The following CHD6 variants were observed in gnomAD, a reference collection of about 807,000 sequenced individuals.
CHD6 encodes the protein chromodomain helicase DNA binding protein 6.
CHD6 carries 50 observed loss-of-function variants against 276.9 expected under a neutral mutation model. The observed-to-expected ratio is 0.18, with a 90% CI of 0.14 to 0.23. The LOEUF (loss-of-function observed/expected upper bound fraction) is 0.23. Ranked by LOEUF, CHD6 falls within the 10% of genes least tolerant of loss-of-function variation. CHD6 has a pLI of 1.00. For synonymous variants in CHD6, 1,173 were observed against 1,229.3 expected, an observed-to-expected ratio of 0.95 and a Z score of 0.96; for missense variants, 2,564 against 3,365.8, an observed-to-expected ratio of 0.76 and a Z score of 5.89.
At chr20:41,588,314 C>CAA (rs970499527) in intron 1 of CHD6, among the ~76,000 whole-genome samples, 13 of 152,314 alleles carry the variant, frequency 8.5e-5, no homozygotes, top group African/African-American at 2.6e-4. Flanking sequence ...TGCGCTGGCA[C>CAA]TGCTTTAAGT....
intron 28 of CHD6, among the ~76,000 whole-genome samples, chr20:41,425,821 G>A (rs192995230): frequency 2.0e-5 from 3 of 150,900 alleles, no homozygotes; most frequent in Admixed American, 2.0e-4. Context: ...AAAAAAACCC[G>A]ATGTCATCAC....
chr20:41,504,691 A>T (rs949494787), intron 5 of CHD6, among the ~76,000 whole-genome samples: 3 of 152,158 alleles, frequency 2.0e-5, no homozygotes, highest in Non-Finnish European at 4.4e-5. Flanking sequence ...CATTATAGGC[A>T]CGAGCCACTG....
chr20:41,483,751 A>G (rs1182925464), intron 15 of CHD6, among the ~76,000 whole-genome samples: 2 of 152,120 alleles, frequency 1.3e-5, no homozygotes, highest in East Asian at 3.8e-4. Context: ...CCAAGTAGAG[A>G]GAGGATCTGA....
At chr20:41,450,397 G>A (rs751089617) in intron 23 of CHD6, among the ~76,000 whole-genome samples, 6 of 151,764 alleles carry the variant, frequency 4.0e-5, no homozygotes, top group South Asian at 4.2e-4. Flanking sequence ...TTGTTTTGTC[G>A]CTGAATGCCC....
chr20:41,405,396 C>T lies in CHD6; in HGVS notation c.7345G>A (p.Glu2449Lys), dbSNP rs769331541. The change falls in exon 37 of 37, where the codon GAA becomes AAA. Residue 2449 changes from glutamate to lysine, a missense_variant. Coordinates refer to ENST00000373233, the MANE Select transcript of CHD6 (RefSeq NM_032221.5). Reference protein sequence around the residue: ...PRRRGRRPRSELLKAPSIVAD... With the variant: ...PRRRGRRPRSKLLKAPSIVAD... ...ACAATGGAAGGAGCCTTCAGGAGTT[C>T]GCTCCGAGGCCGCCTCCCCCTCCTG... 13 of 1,613,678 alleles carry T rather than the reference C, an allele frequency of 8.1e-6. No homozygotes were observed. The African/African-American group carries it at 1.1e-4, about 13-fold the overall frequency.
At position 41,514,946 on chromosome 20, in the gene CHD6, C is replaced by T; in HGVS notation, c.561G>A (p.Glu187=). The T allele has an allele frequency of 1.2e-6, 2 of 1,613,860 alleles. No individual in the cohort carries two copies. Among genetic ancestry groups the T allele is most frequent in the Non-Finnish European group, 1.7e-6 (2 of 1,179,862 alleles). ...TTTTCTCCACTGGGGTTGGTCCTTG[C>T]TCCTTGCTACAAGGAGAAATTCAGA... is the stretch of plus-strand genomic sequence containing the variant. ...ARTKSRKASK[E]QGPTPVEKKK... The change falls in exon 4 of 37, where the codon GAG becomes GAA. Residue 187 remains glutamate (E), a synonymous_variant. Coordinates refer to ENST00000373233, the MANE Select transcript of CHD6 (RefSeq NM_032221.5).
chr20:41,612,990 G>A (rs561017947), intron 1 of CHD6, among the ~76,000 whole-genome samples: 1 of 152,084 alleles, frequency 6.6e-6, no homozygotes, highest in Admixed American at 6.5e-5. Context: ...CTCTAATATT[G>A]TTTTGGCAAT....
chr20:41,548,147 T>C (rs191182728), intron 2 of CHD6, among the ~76,000 whole-genome samples: 1 of 152,370 alleles, frequency 6.6e-6, no homozygotes, highest in East Asian at 1.9e-4. Context: ...TTTTCATTCT[T>C]TGCAACTTCT....
intron 1 of CHD6, among the ~76,000 whole-genome samples, chr20:41,577,425 G>A (rs970040017): frequency 6.6e-6 from 1 of 152,120 alleles, no homozygotes; most frequent in Non-Finnish European, 1.5e-5. Context: ...TGTCTGCTAC[G>A]TTTCTCTTGA....
chr20:41,443,955 T>G (rs886659372), intron 25 of CHD6, among the ~76,000 whole-genome samples: 1 of 152,196 alleles, frequency 6.6e-6, no homozygotes, highest in Non-Finnish European at 1.5e-5. Flanking sequence ...GAGGAAGAAG[T>G]AGCAGCATGT....
At chr20:41,557,303 C>T (rs755086018) in intron 1 of CHD6, among the ~76,000 whole-genome samples, 11 of 152,106 alleles carry the variant, frequency 7.2e-5, no homozygotes, top group Non-Finnish European at 1.3e-4. Flanking sequence ...GATGTGAAAA[C>T]AAACAATATA....
intron 2 of CHD6, among the ~76,000 whole-genome samples, chr20:41,533,881 A>C (rs1271011575): frequency 1.3e-5 from 2 of 152,200 alleles, no homozygotes; most frequent in African/African-American, 4.8e-5. Flanking sequence ...CTGAGCACCA[A>C]ATAACCTTTA....
At chr20:41,423,318 T>C (rs1312057282) in intron 30 of CHD6, among the ~76,000 whole-genome samples, 174 bp downstream of exon 30, 1 of 152,238 alleles carries the variant, frequency 6.6e-6, no homozygotes, top group Non-Finnish European at 1.5e-5. Flanking sequence ...AGAGATTTTA[T>C]TTTATGAGGT....
At chr20:41,569,174 T>A (rs79122751) in intron 1 of CHD6, among the ~76,000 whole-genome samples, 1 of 152,074 alleles carries the variant, frequency 6.6e-6, no homozygotes, top group Non-Finnish European at 1.5e-5. Flanking sequence ...TGGCTAGCAA[T>A]AGGATCCTCC....
intron 1 of CHD6, among the ~76,000 whole-genome samples, chr20:41,591,818 G>A (rs1395016052): frequency 6.6e-6 from 1 of 152,162 alleles, no homozygotes; most frequent in African/African-American, 2.4e-5. Context: ...AGAATTTCAA[G>A]GCTGGGCGCA....
intron 5 of CHD6, among the ~76,000 whole-genome samples, chr20:41,504,077 C>CAA (rs1189323419): frequency 0.02 from 533 of 27,002 alleles, 71 homozygotes; most frequent in Admixed American, 0.04. Flanking sequence ...GACTCTGTCT[C>CAA]AAAAAAAAAA....
chr20:41,570,094 G>A (rs1359324607), intron 1 of CHD6, among the ~76,000 whole-genome samples: 2 of 152,292 alleles, frequency 1.3e-5, no homozygotes, highest in South Asian at 4.1e-4. Flanking sequence ...TAGAATACAT[G>A]TGCAGAATGA....
intron 25 of CHD6, among the ~76,000 whole-genome samples, chr20:41,442,290 A>T (rs901499002): frequency 2.8e-5 from 4 of 142,952 alleles, no homozygotes; most frequent in East Asian, 2.0e-4. Flanking sequence ...ACAAAAAATT[A>T]AAAAAAAAAA....
rs1355472835 is a variant in CHD6 at position 41,497,505 on chromosome 20, T to G, written c.975-4A>C. On this transcript the variant is annotated splice_polypyrimidine_tract_variant and splice_region_variant and intron_variant, in intron 7 of 36. Transcript: ENST00000373233. ...CCATTTACAATGTAAGTAGGAACTATCCAAAGACATACAAATTGTCAGGCA... is the reference window on the plus strand; with the variant it reads ...CCATTTACAATGTAAGTAGGAACTAGCCAAAGACATACAAATTGTCAGGCA... 34 of 1,590,068 alleles carry G rather than the reference T, an allele frequency of 2.1e-5. No individual in the cohort carries two copies. The highest frequency in any genetic ancestry group is 2.9e-5 in the Non-Finnish European group (34 of 1,158,362).
Sources: gnomAD v4.1 joint callset for allele counts (sites outside exome capture counted in the v4.1 genomes callset) on GRCh38, gnomAD v4.1.1 for gene constraint, MANE v1.5 for transcripts, NCBI Gene and HGNC (gene_info 2026-07-23, HGNC 2026-07-21) for gene names.